The following RIMKLB variants were observed in gnomAD, a reference collection of about 807,000 sequenced individuals.
The protein encoded by RIMKLB is ribosomal modification protein rimK like family member B, also known as beta-citrylglutamate synthase B.
Under a neutral mutation model 32.0 loss-of-function variants are expected in RIMKLB, and 7 were observed. That is an observed-to-expected ratio of 0.22 (90% confidence interval 0.12 to 0.41). RIMKLB has a LOEUF of 0.41. Among genes scored for constraint, RIMKLB ranks in the 10% least tolerant of loss-of-function variants. The pLI, the probability that RIMKLB is intolerant of heterozygous loss-of-function variation, is 1.00. For missense variants in RIMKLB, 289 were observed against 498.7 expected (o/e 0.58, Z 4.00); for synonymous variants, 172 against 185.1 (o/e 0.93, Z 0.57).
intron 1 of RIMKLB, among the ~76,000 whole-genome samples, chr12:8,698,589 G>A (rs935069778): frequency 3.3e-5 from 5 of 152,174 alleles, no homozygotes; most frequent in African/African-American, 4.8e-5. Context: ...GGCGACTTCG[G>A]GCGTGTAAGG....
intron 5 of RIMKLB, among the ~76,000 whole-genome samples, chr12:8,760,713 TC>T (rs1949447761): frequency 6.6e-6 from 1 of 152,262 alleles, no homozygotes; most frequent in African/African-American, 2.4e-5. Flanking sequence ...GAGCATTTTT[TC>T]ATGTGTATGT....
At chr12:8,699,094 T>C (rs916083539) in intron 1 of RIMKLB, among the ~76,000 whole-genome samples, 1 of 152,240 alleles carries the variant, frequency 6.6e-6, no homozygotes, top group African/African-American at 2.4e-5. Context: ...GTGGTAATTC[T>C]GTTCTGTGAG....
chr12:8,668,851 T>C, the RIMKLB span: 1 of 152,218 alleles, frequency 6.6e-6, no homozygotes, highest in Non-Finnish European at 1.5e-5. Context: ...TAAGTCATGT[T>C]TGGATTACTA....
chr12:8,744,118 C>G (rs10505738), intron 2 of RIMKLB, among the ~76,000 whole-genome samples: 10,591 of 151,968 alleles, frequency 0.07, 595 homozygotes, highest in South Asian at 0.23. Context: ...TTTATAAGCT[C>G]TACGTCAAAG....
chr12:8,767,549 C>T (rs1950068758), intron 5 of RIMKLB, among the ~76,000 whole-genome samples: 1 of 152,116 alleles, frequency 6.6e-6, no homozygotes, highest in South Asian at 2.1e-4. Context: ...TCAAGAAAGT[C>T]GTGGTCGGGA....
chr12:8,755,287 G>C (rs1267118631), intron 5 of RIMKLB, among the ~76,000 whole-genome samples: 1 of 150,858 alleles, frequency 6.6e-6, no homozygotes, highest in Non-Finnish European at 1.5e-5. Context: ...TTTTTGTAGA[G>C]ATAGGGTCTC....
intron 1 of RIMKLB, among the ~76,000 whole-genome samples, chr12:8,713,127 G>C (rs749873918): frequency 6.6e-6 from 1 of 152,134 alleles, no homozygotes; most frequent in Non-Finnish European, 1.5e-5. Flanking sequence ...AAAACATTGA[G>C]TAAGAGCGTG....
intron 2 of RIMKLB, among the ~76,000 whole-genome samples, chr12:8,733,182 G>A (rs886892985): frequency 2.0e-5 from 3 of 151,866 alleles, no homozygotes; most frequent in Non-Finnish European, 4.4e-5. Flanking sequence ...TAAGGATGCT[G>A]CTAAATATCT....
chr12:8,756,251 G>GCA (rs2137872372), intron 5 of RIMKLB, among the ~76,000 whole-genome samples: 1 of 152,014 alleles, frequency 6.6e-6, no homozygotes, highest in African/African-American at 2.4e-5. Context: ...AGCCTGGGCG[G>GCA]TCGAGGCTGC....
At chr12:8,764,031 A>G (rs1949744357) in intron 5 of RIMKLB, among the ~76,000 whole-genome samples, 2 of 152,192 alleles carry the variant, frequency 1.3e-5, no homozygotes, top group African/African-American at 2.4e-5. Flanking sequence ...TAGAGGGACA[A>G]CGGCCTCATT....
upstream of RIMKLB, chr12:8,697,163 C>G (rs1048852995): frequency 1.3e-5 from 2 of 152,216 alleles, no homozygotes; most frequent in Non-Finnish European, 2.9e-5. Flanking sequence ...AGCGTAGCAA[C>G]TAACTTGTCC....
At chr12:8,732,421 C>T (rs1946626489) in intron 2 of RIMKLB, among the ~76,000 whole-genome samples, 2 of 152,116 alleles carry the variant, frequency 1.3e-5, no homozygotes, top group South Asian at 4.1e-4. Flanking sequence ...TCACGCTTTC[C>T]TATTCCATTT....
intron 2 of RIMKLB, among the ~76,000 whole-genome samples, chr12:8,742,144 C>T (rs1433674001): frequency 4.6e-5 from 7 of 151,810 alleles, no homozygotes; most frequent in Non-Finnish European, 7.4e-5. Flanking sequence ...ATGATCCGCC[C>T]GCCTCAGCCT....
At chr12:8,722,864 C>G (rs972096082) in intron 2 of RIMKLB, among the ~76,000 whole-genome samples, 4 of 152,342 alleles carry the variant, frequency 2.6e-5, no homozygotes, top group Non-Finnish European at 1.5e-5. Flanking sequence ...CTGTTAGATT[C>G]AAACTTTCCT....
intron 2 of RIMKLB, among the ~76,000 whole-genome samples, chr12:8,748,907 C>G (rs999351816): frequency 6.6e-6 from 1 of 152,012 alleles, no homozygotes; most frequent in East Asian, 1.9e-4. Flanking sequence ...CCACTGCACT[C>G]CAGCCTGGGT....
intron 1 of RIMKLB, among the ~76,000 whole-genome samples, chr12:8,688,898 G>A (rs1186770620): frequency 1.3e-5 from 2 of 151,758 alleles, no homozygotes; most frequent in Non-Finnish European, 2.9e-5. Flanking sequence ...GCAGTGGCAC[G>A]ATCTCGGCTC....
chr12:8,676,345 A>G, the RIMKLB span, among the ~76,000 whole-genome samples: 2 of 121,936 alleles, frequency 1.6e-5, no homozygotes, highest in East Asian at 6.0e-4. Context: ...AAGTACTAGG[A>G]TTATAGGAGT....
At chr12:8,709,148 C>T (rs1249529452) in intron 1 of RIMKLB, among the ~76,000 whole-genome samples, 1 of 152,136 alleles carries the variant, frequency 6.6e-6, no homozygotes, top group Non-Finnish European at 1.5e-5. Context: ...CAAGTTTACT[C>T]CTTTAAACTA....
intron 1 of RIMKLB, among the ~76,000 whole-genome samples, chr12:8,682,752 G>C (rs951242062): frequency 6.6e-6 from 1 of 150,464 alleles, no homozygotes; most frequent in East Asian, 2.0e-4. Flanking sequence ...CGCCGGGGGG[G>C]AGGGAGCGAG....
Sources: allele counts gnomAD v4.1 joint callset (sites outside exome capture counted in the v4.1 genomes callset), GRCh38; gene constraint gnomAD v4.1.1; transcripts MANE v1.5; gene names NCBI Gene and HGNC (gene_info 2026-07-23, HGNC 2026-07-21).